Variants in MEMO1 observed in about 807,000 individuals in gnomAD.
MEMO1 encodes protein MEMO1.
MEMO1 carries 6 observed loss-of-function variants against 45.2 expected under a neutral mutation model. That is an observed-to-expected ratio of 0.13 (90% CI 0.07 to 0.26). MEMO1 has a LOEUF of 0.26. Ranked by LOEUF, MEMO1 falls within the 10% of genes least tolerant of loss-of-function variation. MEMO1 has a pLI of 1.00. For missense variants in MEMO1, 184 were observed against 370.5 expected, an observed-to-expected ratio of 0.50 and a Z score of 4.13; for synonymous variants, 78 against 124.3, an observed-to-expected ratio of 0.63 and a Z score of 2.48.
chr2:32,000,790 A>AT (rs71268324), intron 2 of MEMO1, among the ~76,000 whole-genome samples: 2,923 of 145,598 alleles, frequency 0.02, 46 homozygotes, highest in African/African-American at 0.045. Flanking sequence ...CATACCACAT[A>AT]TTTTTTTTTT....
chr2:31,958,086 G>C (rs1018893414), intron 2 of MEMO1, among the ~76,000 whole-genome samples: 2 of 152,060 alleles, frequency 1.3e-5, no homozygotes, highest in Non-Finnish European at 2.9e-5. Context: ...TTTCAGATGT[G>C]CAGGGGAATA....
At chr2:31,920,445 G>A (rs72860915) in intron 5 of MEMO1, among the ~76,000 whole-genome samples, 5 of 152,178 alleles carry the variant, frequency 3.3e-5, no homozygotes, top group East Asian at 1.9e-4. Flanking sequence ...GAAAAGTGGC[G>A]TTACATGGAA....
intron 7 of MEMO1, 148 bp from the exon 8 acceptor site, chr2:31,883,610 TA>T (rs1284162230): frequency 2.1e-5 from 12 of 567,716 alleles, no homozygotes; most frequent in Non-Finnish European, 3.7e-5. Context: ...CCCTTGTACA[TA>T]AAAATAAAAG....
intron 2 of MEMO1, among the ~76,000 whole-genome samples, chr2:31,990,863 A>G (rs1671864635): frequency 6.6e-6 from 1 of 152,170 alleles, no homozygotes; most frequent in South Asian, 2.1e-4. Context: ...ACAAGAGCAA[A>G]TGACATTTCG....
chr2:31,971,867 G>A (rs1179980746), intron 2 of MEMO1, among the ~76,000 whole-genome samples: 1 of 152,136 alleles, frequency 6.6e-6, no homozygotes, highest in Non-Finnish European at 1.5e-5. Flanking sequence ...CTGCTCGGGA[G>A]GCTGAGGCAG....
At position 31,916,879 on chromosome 2, in the gene MEMO1, G is replaced by A. The variant is rs1053772978; in HGVS notation, c.437+1047C>T. On this transcript the variant is annotated intron_variant, in intron 6 of 9. Transcript: ENST00000404530. ...GTGGAAAACAATCCAAAAAGACTGC[G>A]ATAATGAACTAAACAAGAAAAACTA... Among the ~76,000 whole-genome samples the A allele has an allele frequency of 1.5e-4, 23 of 151,976 alleles. 3 individuals carry two copies. The highest frequency in any genetic ancestry group is 1.4e-3 in the Admixed American group (21 of 15,252).
At position 31,896,225 on chromosome 2, in the gene MEMO1, C is replaced by T. The variant is rs1677789686; in HGVS notation, c.438-4091G>A. ...TTAACAAATAGTACTAGGACAACTG[C>T]ATATCCATACACCAAAATAAAAATA... On this transcript the variant is annotated intron_variant, in intron 6 of 9. Transcript: ENST00000404530. Among the ~76,000 whole-genome samples, 4 of 152,250 alleles carry T rather than the reference C, an allele frequency of 2.6e-5. No individual in the cohort carries two copies. The South Asian group carries it at 8.3e-4, about 32-fold the overall frequency.
intron 2 of MEMO1, among the ~76,000 whole-genome samples, chr2:31,949,918 A>C (rs1390080621): frequency 6.6e-6 from 1 of 152,100 alleles, no homozygotes; most frequent in Non-Finnish European, 1.5e-5. Context: ...ATGTACCCGC[A>C]AAAAATAAAA....
intron 4 of MEMO1, among the ~76,000 whole-genome samples, chr2:31,926,054 G>C (rs1683058537): frequency 6.6e-6 from 1 of 151,976 alleles, no homozygotes; most frequent in Non-Finnish European, 1.5e-5. Flanking sequence ...AATTTAGGTA[G>C]CTGGCAGAAG....
chr2:31,870,848 G>A (rs1673602777), intron 8 of MEMO1, among the ~76,000 whole-genome samples: 1 of 152,156 alleles, frequency 6.6e-6, no homozygotes, highest in Non-Finnish European at 1.5e-5. Context: ...AAAGTACTGG[G>A]ATTACAGGTA....
intron 8 of MEMO1, among the ~76,000 whole-genome samples, chr2:31,874,885 T>C (rs1292563374): frequency 6.6e-6 from 1 of 151,440 alleles, no homozygotes; most frequent in Non-Finnish European, 1.5e-5. Context: ...ATTAAGACAA[T>C]ACAATATTTA....
At chr2:31,889,602 T>A (rs1229415635) in intron 7 of MEMO1, among the ~76,000 whole-genome samples, 1 of 152,096 alleles carries the variant, frequency 6.6e-6, no homozygotes, top group Non-Finnish European at 1.5e-5. Flanking sequence ...TAATTCATAA[T>A]ACTTTAGTCA....
At chr2:32,010,477 A>C in intron 1 of MEMO1, 4 of 340,912 alleles carry the variant, frequency 1.2e-5, no homozygotes, top group Non-Finnish European at 1.7e-5. Flanking sequence ...ATCACCACAA[A>C]CTCCGGCGAC....
At chr2:31,902,093 A>G (rs745412986) in intron 6 of MEMO1, among the ~76,000 whole-genome samples, 8 of 151,996 alleles carry the variant, frequency 5.3e-5, no homozygotes, top group Non-Finnish European at 1.0e-4. Flanking sequence ...TCCAGCCTGG[A>G]CAACATAGCA....
In MEMO1 at chr2:32,006,206, G is replaced by A. The variant is rs116308965; in HGVS notation, c.61+3981C>T. Among the ~76,000 whole-genome samples, 1,077 of 152,284 alleles carry A rather than the reference G, an allele frequency of 7.1e-3. 10 individuals are homozygous for A. Among genetic ancestry groups the A allele is most frequent in the African/African-American group, 0.024 (998 of 41,540 alleles). On this transcript the variant is annotated intron_variant, in intron 2 of 9. Coordinates refer to ENST00000404530, the MANE Select transcript of MEMO1 (RefSeq NM_001301833.4). ...ATAGATCAGTGAGGAAATGATCAAAGGAATGATTTGGCCAACATACTATTC... is the reference window on the plus strand; with the variant it reads ...ATAGATCAGTGAGGAAATGATCAAAAGAATGATTTGGCCAACATACTATTC...
intron 2 of MEMO1, among the ~76,000 whole-genome samples, chr2:31,983,666 G>A (rs1670929399): frequency 1.3e-5 from 2 of 152,162 alleles, no homozygotes; most frequent in South Asian, 2.1e-4. Context: ...ACTCCTGACC[G>A]CAGGTGATCC....
chr2:31,910,630 C>G (rs1358558721), intron 6 of MEMO1, among the ~76,000 whole-genome samples: 1 of 152,086 alleles, frequency 6.6e-6, no homozygotes, highest in African/African-American at 2.4e-5. Context: ...GAGGACAAGA[C>G]AGGAGGATCA....
intron 2 of MEMO1, among the ~76,000 whole-genome samples, chr2:32,009,242 C>A (rs1232759452): frequency 6.6e-6 from 1 of 152,184 alleles, no homozygotes; most frequent in African/African-American, 2.4e-5. Flanking sequence ...AGTTCCAGCA[C>A]CTGCCTGGTG....
chr2:31,994,083 C>T (rs1235213912), intron 2 of MEMO1, among the ~76,000 whole-genome samples: 1 of 149,746 alleles, frequency 6.7e-6, no homozygotes, highest in African/African-American at 2.5e-5. Context: ...GCCTCAGCCC[C>T]CCGAGCAGCT....
Sources: gnomAD v4.1 joint callset for allele counts (sites outside exome capture counted in the v4.1 genomes callset) on GRCh38, gnomAD v4.1.1 for gene constraint, MANE v1.5 for transcripts, NCBI Gene and HGNC (gene_info 2026-07-23, HGNC 2026-07-21) for gene names.